Variants in USP32 observed in about 807,000 individuals in gnomAD.
The protein encoded by USP32 is ubiquitin specific peptidase 32, also known as ubiquitin carboxyl-terminal hydrolase 32.
USP32 carries 59 observed loss-of-function variants against 204.8 expected under a neutral mutation model. The ratio of observed to expected loss-of-function variants is 0.29; its 90% CI spans 0.23 to 0.36. The LOEUF is 0.36. Ranked by LOEUF, USP32 falls within the 10% of genes least tolerant of loss-of-function variation. USP32 has a pLI of 1.00. For missense variants in USP32, 1,160 were observed against 1,946.4 expected, an observed-to-expected ratio of 0.60 and a Z score of 7.60; for synonymous variants, 517 against 678.4, an observed-to-expected ratio of 0.76 and a Z score of 3.70.
rs916754450 is a variant in USP32 at position 60,178,033 on chromosome 17, GAAGT to G, written c.*1218_*1221del. ...TCCAGTCTTGATTAGAGAAAAAAAT[GAAGT>G]AAGCAAAGAAACATAACTTTCGATG... On this transcript the variant is annotated 3_prime_UTR_variant, in exon 34 of 34. Coordinates refer to ENST00000300896, the MANE Select transcript of USP32 (RefSeq NM_032582.4). Among the ~76,000 whole-genome samples, 46 of 152,116 alleles carry G rather than the reference GAAGT, an allele frequency of 3.0e-4. No homozygotes were observed. The highest frequency in any genetic ancestry group is 1.1e-3 in the African/African-American group (44 of 41,492).
chr17:60,253,553 G>T (rs538833659), intron 10 of USP32, among the ~76,000 whole-genome samples: 43 of 152,082 alleles, frequency 2.8e-4, no homozygotes, highest in East Asian at 2.1e-3. Context: ...ATCACTTGAG[G>T]TCAGGAGTTT....
chr17:60,273,064 C>G (rs532839081), intron 5 of USP32, among the ~76,000 whole-genome samples: 26 of 152,276 alleles, frequency 1.7e-4, no homozygotes, highest in East Asian at 1.2e-3. Flanking sequence ...TGCCACCCAC[C>G]TGGGTTCAAG....
At chr17:60,233,535 C>A (rs545323494) in intron 12 of USP32, among the ~76,000 whole-genome samples, 13 of 152,074 alleles carry the variant, frequency 8.5e-5, no homozygotes, top group African/African-American at 3.1e-4. Flanking sequence ...ACTATGAGGG[C>A]GATTATTATT....
chr17:60,284,334 C>T (rs1412563353), intron 5 of USP32, among the ~76,000 whole-genome samples: 1 of 151,650 alleles, frequency 6.6e-6, no homozygotes, highest in Non-Finnish European at 1.5e-5. Flanking sequence ...CTGCCTCTGC[C>T]TCCCAAGTAG....
intron 1 of USP32, among the ~76,000 whole-genome samples, chr17:60,379,704 G>C (rs1206157572): frequency 6.6e-6 from 1 of 152,170 alleles, no homozygotes; most frequent in Non-Finnish European, 1.5e-5. Context: ...TTCCAAATTG[G>C]GAGTTTGAAA....
At chr17:60,369,054 G>A (rs1414800707) in intron 1 of USP32, among the ~76,000 whole-genome samples, 1 of 135,632 alleles carries the variant, frequency 7.4e-6, no homozygotes, top group African/African-American at 3.3e-5. Flanking sequence ...GAGTGCAGTG[G>A]CGGGATCTCG....
chr17:60,312,640 C>T (rs1395401009), intron 2 of USP32, among the ~76,000 whole-genome samples: 1 of 151,982 alleles, frequency 6.6e-6, no homozygotes, highest in Non-Finnish European at 1.5e-5. Flanking sequence ...TGGGATCTTA[C>T]TATGTTGCCC....
intron 2 of USP32, among the ~76,000 whole-genome samples, chr17:60,318,706 T>C (rs2088042148): frequency 6.6e-6 from 1 of 152,036 alleles, no homozygotes; most frequent in African/African-American, 2.4e-5. Context: ...TTAAATGGAG[T>C]AGAACCAAAA....
At chr17:60,304,290 C>A (rs1415331103) in intron 2 of USP32, among the ~76,000 whole-genome samples, 1 of 151,454 alleles carries the variant, frequency 6.6e-6, no homozygotes, top group East Asian at 1.9e-4. Context: ...GAAAAAAACT[C>A]AACCATAAGT....
chr17:60,219,841 A>G, intron 15 of USP32, 54 bp from the exon 16 acceptor site: 1 of 1,511,656 alleles, frequency 6.6e-7, no homozygotes, highest in East Asian at 2.4e-5. Context: ...AAAACTTGCC[A>G]TTTTAATCTA....
At chr17:60,385,837 TC>T (rs2089721312) in intron 1 of USP32, among the ~76,000 whole-genome samples, 1 of 141,632 alleles carries the variant, frequency 7.1e-6, no homozygotes, top group Non-Finnish European at 1.5e-5. Flanking sequence ...AGACTCTGTC[TC>T]AAAAAAAAAA....
intron 2 of USP32, among the ~76,000 whole-genome samples, chr17:60,342,063 T>G (rs535180789): frequency 5.9e-5 from 9 of 152,338 alleles, no homozygotes; most frequent in African/African-American, 2.2e-4. Flanking sequence ...TGGTCTTTGA[T>G]GTTGGTGACC....
chr17:60,197,306 C>CCGGGT (rs1352305195), intron 27 of USP32, among the ~76,000 whole-genome samples: 1 of 151,798 alleles, frequency 6.6e-6, no homozygotes, highest in Non-Finnish European at 1.5e-5. Flanking sequence ...ACCATGATGG[C>CCGGGT]AAGAAAATGA....
chr17:60,264,296 T>G (rs2145759749), intron 9 of USP32, among the ~76,000 whole-genome samples: 1 of 146,446 alleles, frequency 6.8e-6, no homozygotes, highest in South Asian at 2.2e-4. Flanking sequence ...GAGGCAGGAC[T>G]GCTTGAGCCC....
At chr17:60,237,442 A>G (rs903598096) in intron 11 of USP32, among the ~76,000 whole-genome samples, 1 of 152,092 alleles carries the variant, frequency 6.6e-6, no homozygotes, top group African/African-American at 2.4e-5. Flanking sequence ...TTTGAGGTGA[A>G]AATGGCATAA....
intron 2 of USP32, among the ~76,000 whole-genome samples, chr17:60,330,994 C>T (rs2088369040): frequency 6.6e-6 from 1 of 152,118 alleles, no homozygotes; most frequent in Non-Finnish European, 1.5e-5. Flanking sequence ...TAGTCATATA[C>T]CTAAATTCCT....
intron 3 of USP32, among the ~76,000 whole-genome samples, chr17:60,297,842 T>C (rs927434738): frequency 6.6e-6 from 1 of 152,198 alleles, no homozygotes. Context: ...TTGAAAACAG[T>C]TGCAGCTCAT....
At chr17:60,267,526 CTTTT>C (rs58180123) in intron 7 of USP32, among the ~76,000 whole-genome samples, 2 of 149,596 alleles carry the variant, frequency 1.3e-5, no homozygotes, top group African/African-American at 4.9e-5. Flanking sequence ...AATTTTAACT[CTTTT>C]TTTTTTCTTT....
intron 9 of USP32, 84 bp from the exon 10 acceptor site, chr17:60,255,342 G>T: frequency 9.2e-7 from 1 of 1,091,960 alleles, no homozygotes; most frequent in Non-Finnish European, 1.3e-6. Context: ...CTGTTGCCTG[G>T]GCTGGAGTGC....
Sources: allele counts gnomAD v4.1 joint callset (sites outside exome capture counted in the v4.1 genomes callset), GRCh38; gene constraint gnomAD v4.1.1; transcripts MANE v1.5; gene names NCBI Gene and HGNC (gene_info 2026-07-23, HGNC 2026-07-21).